PSPC1: variants seen among roughly 807,000 people sequenced by gnomAD.
The protein encoded by PSPC1 is paraspeckle component 1.
A neutral mutation model predicts 51.6 loss-of-function variants in PSPC1; 14 were observed. That is an observed-to-expected ratio of 0.27 (90% CI 0.18 to 0.42). The LOEUF (loss-of-function observed/expected upper bound fraction) is 0.42, where lower values mean the gene tolerates loss of function less well. PSPC1 is among the 10% of genes least tolerant of loss of function. The probability of loss-of-function intolerance (pLI) is 1.00; values close to 1 mark genes in which losing one functional copy is unlikely to be tolerated. For missense variants in PSPC1, 406 were observed against 701.1 expected, an observed-to-expected ratio of 0.58 and a Z score of 4.75; for synonymous variants, 193 against 231.9, an observed-to-expected ratio of 0.83 and a Z score of 1.53.
At chr13:19,680,907 G>T (rs2137586822) in intron 6 of PSPC1, among the ~76,000 whole-genome samples, 1 of 152,248 alleles carries the variant, frequency 6.6e-6, no homozygotes, top group Non-Finnish European at 1.5e-5. Context: ...ACTTTTCTAT[G>T]ACTTAAAGAA....
intron 6 of PSPC1, among the ~76,000 whole-genome samples, chr13:19,728,350 A>C (rs1310185498): frequency 1.3e-5 from 2 of 152,030 alleles, no homozygotes. Flanking sequence ...TTACTTGGAC[A>C]AGTTGAACAC....
At chr13:19,737,342 G>GT (rs753490852) in intron 5 of PSPC1, 5 of 152,140 alleles carry the variant, frequency 3.3e-5, no homozygotes, top group Non-Finnish European at 5.9e-5. Context: ...CCAACAGTCT[G>GT]TAACAGTTCA....
intron 6 of PSPC1, among the ~76,000 whole-genome samples, chr13:19,722,790 G>A (rs564424104): frequency 6.0e-5 from 9 of 149,666 alleles, no homozygotes; most frequent in Admixed American, 2.7e-4. Context: ...GCAAAACACC[G>A]CCTCAAGAAA....
intron 4 of PSPC1, among the ~76,000 whole-genome samples, chr13:19,747,468 A>G (rs2138092011): frequency 6.6e-6 from 1 of 152,160 alleles, no homozygotes; most frequent in South Asian, 2.1e-4. Context: ...AAGTAGCTGC[A>G]ACTACAGACA....
intron 6 of PSPC1, among the ~76,000 whole-genome samples, chr13:19,729,061 A>G (rs547262735): frequency 1.3e-5 from 2 of 152,284 alleles, no homozygotes; most frequent in South Asian, 4.1e-4. Flanking sequence ...TCTGTGGTGG[A>G]GTAATAAAAA....
chr13:19,690,109 A>T (rs1200945273), intron 6 of PSPC1, among the ~76,000 whole-genome samples: 1 of 152,228 alleles, frequency 6.6e-6, no homozygotes, highest in African/African-American at 2.4e-5. Context: ...TTTGTAAAAG[A>T]GTTTTTCAAT....
chr13:19,774,815 A>T (rs1235873543), intron 1 of PSPC1, among the ~76,000 whole-genome samples: 8 of 149,854 alleles, frequency 5.3e-5, no homozygotes, highest in South Asian at 2.1e-4. Flanking sequence ...CAAAAAAAAA[A>T]AAACAAAAAA....
intron 6 of PSPC1, among the ~76,000 whole-genome samples, chr13:19,681,464 G>T (rs1877259865): frequency 6.6e-6 from 1 of 152,172 alleles, no homozygotes; most frequent in East Asian, 1.9e-4. Flanking sequence ...CATAATATAT[G>T]ATCTAATGAG....
At chr13:19,741,764 A>G (rs1405712021) in intron 4 of PSPC1, 115 bp from the exon 5 acceptor site, 4 of 568,578 alleles carry the variant, frequency 7.0e-6, no homozygotes, top group Non-Finnish European at 9.1e-6. Context: ...CTCATTTTAT[A>G]ATAATGTAAG....
At chr13:19,672,948 C>T (rs984148510), downstream of PSPC1, 2 of 383,532 alleles carry the variant, frequency 5.2e-6, no homozygotes, top group Non-Finnish European at 1.0e-5. Flanking sequence ...CCCAGATACT[C>T]AGGAGGCTGA....
At chr13:19,779,705 G>C (rs1277562983) in intron 1 of PSPC1, among the ~76,000 whole-genome samples, 1 of 117,490 alleles carries the variant, frequency 8.5e-6, no homozygotes, top group Admixed American at 7.9e-5. Flanking sequence ...CCCCCGCCCG[G>C]CCAGCCACCC....
At chr13:19,717,919 C>T (rs2137831353) in intron 6 of PSPC1, among the ~76,000 whole-genome samples, 1 of 151,484 alleles carries the variant, frequency 6.6e-6, no homozygotes, top group East Asian at 1.9e-4. Context: ...TGTCCAGTGC[C>T]TGTAATCTCA....
chr13:19,746,005 T>A (rs565763578), intron 4 of PSPC1, among the ~76,000 whole-genome samples: 1 of 150,858 alleles, frequency 6.6e-6, no homozygotes, highest in African/African-American at 2.4e-5. Context: ...TTGTTTTGTT[T>A]TTTGTTTTTT....
intron 3 of PSPC1, among the ~76,000 whole-genome samples, chr13:19,756,656 C>A (rs1461143854): frequency 6.6e-6 from 1 of 151,976 alleles, no homozygotes; most frequent in Non-Finnish European, 1.5e-5. Flanking sequence ...CGTGCCACCA[C>A]ACCCGGCTGA....
chr13:19,757,482 T>TA (rs1887200601), intron 3 of PSPC1, among the ~76,000 whole-genome samples: 1 of 152,066 alleles, frequency 6.6e-6, no homozygotes, highest in African/African-American at 2.4e-5. Context: ...CTGCCTCCCA[T>TA]AAAGATTTAT....
intron 1 of PSPC1, among the ~76,000 whole-genome samples, chr13:19,780,013 G>C (rs1889747388): frequency 1.4e-5 from 2 of 143,896 alleles, no homozygotes; most frequent in Non-Finnish European, 3.1e-5. Flanking sequence ...GAGGTGGGGG[G>C]GGTCAGCCCC....
chr13:19,704,485 T>C (rs1880396922), intron 8 of PSPC1, among the ~76,000 whole-genome samples: 1 of 152,424 alleles, frequency 6.6e-6, no homozygotes, highest in Middle Eastern at 3.4e-3. Context: ...ATGACAGGTC[T>C]GAGTCTAACA....
chr13:19,782,621 G>A lies in PSPC1; in HGVS notation c.137C>T (p.Ala46Val), dbSNP rs757781436. 1.3e-6 allele frequency: 2 copies of A among 1,576,406 alleles called. No homozygotes were observed. The highest frequency in any genetic ancestry group is 3.7e-5 in the Admixed American group (2 of 54,000). The change falls in exon 1 of 9, where the codon GCA becomes GTA. Residue 46 changes from alanine (A) to valine (V), a missense_variant. This residue lies in a region of PSPC1 where 128 missense variants were observed against 107.1 expected (regional missense o/e 1.20). Transcript: ENST00000338910. This position sits in a 1 kb window ranked among gnomAD's most constrained non-coding sequence, Gnocchi z 4.5. Reference sequence around the variant, plus strand: ...CTCTGGAGGCGCGGGCGCGGGCGGTGCCGGCTCCCCGGCAAGAGCGAGCGC... The same window carrying A: ...CTCTGGAGGCGCGGGCGCGGGCGGTACCGGCTCCCCGGCAAGAGCGAGCGC... ...AMALALAGEP[A>V]PPAPAPPEDH...
intron 6 of PSPC1, among the ~76,000 whole-genome samples, chr13:19,696,380 C>G (rs1879239315): frequency 6.6e-6 from 1 of 152,052 alleles, no homozygotes; most frequent in South Asian, 2.1e-4. Context: ...TGCACTGGTA[C>G]AGTCACAATT....
Sources: gnomAD v4.1 joint callset for allele counts (sites outside exome capture counted in the v4.1 genomes callset) on GRCh38, gnomAD v4.1.1 for gene constraint, gnomAD v4.1.1 regional missense constraint, Gnocchi (gnomAD v3.1) non-coding constraint, MANE v1.5 for transcripts, NCBI Gene and HGNC (gene_info 2026-07-23, HGNC 2026-07-21) for gene names.